PLCL2: variants seen among roughly 807,000 people sequenced by gnomAD.
The protein encoded by PLCL2 is phospholipase C like 2, also known as inactive phospholipase C-like protein 2.
In PLCL2, 4 loss-of-function variants were observed where a neutral mutation model predicts 79.6. That is an observed-to-expected ratio of 0.05 (90% CI 0.02 to 0.11). The LOEUF (loss-of-function observed/expected upper bound fraction) is 0.11, where lower values mean the gene tolerates loss of function less well. Ranked by LOEUF, PLCL2 falls within the 10% of genes least tolerant of loss-of-function variation. The probability of loss-of-function intolerance (pLI) is 1.00; values close to 1 mark genes in which losing one functional copy is unlikely to be tolerated. For missense variants in PLCL2, 895 were observed against 1,291.0 expected, an observed-to-expected ratio of 0.69 and a Z score of 4.70; for synonymous variants, 484 against 457.7, an observed-to-expected ratio of 1.06 and a Z score of -0.73.
At chr3:16,962,469 A>G (rs1261012666) in intron 1 of PLCL2, among the ~76,000 whole-genome samples, 2 of 148,250 alleles carry the variant, frequency 1.3e-5, no homozygotes, top group Non-Finnish European at 3.0e-5. Context: ...TTCTTATGCT[A>G]TTATAGTTCT....
In PLCL2 at chr3:16,975,636, G is replaced by A. The variant is rs768418701; in HGVS notation, c.328-34038G>A. 3.7e-4 allele frequency among the ~76,000 whole-genome samples: 56 copies of A among 152,132 alleles called. 1 individual carries two copies. The highest frequency in any genetic ancestry group is 2.0e-4 in the Admixed American group (3 of 15,276). ...GCCCATACTGGAATTATACCATGGC[G>A]GTTCTTCCAAGTGGTTGGGACGTGG... On this transcript the variant is annotated intron_variant, in intron 1 of 5. Coordinates refer to ENST00000615277, the MANE Select transcript of PLCL2 (RefSeq NM_001144382.2).
At chr3:16,962,535 T>A (rs79073687) in intron 1 of PLCL2, among the ~76,000 whole-genome samples, 1,639 of 152,188 alleles carry the variant, frequency 0.011, 30 homozygotes, top group Admixed American at 0.046. Flanking sequence ...AAATAATTAG[T>A]GAAGAGAATT....
chr3:16,898,564 G>A (rs939317978), intron 1 of PLCL2, among the ~76,000 whole-genome samples: 10 of 152,216 alleles, frequency 6.6e-5, no homozygotes, highest in African/African-American at 2.4e-4. Flanking sequence ...CACATAGCAA[G>A]CGTTCTACTG....
rs186006661 is a variant in PLCL2, at chr3:17,028,882, C to T, written c.3018+13971C>T. Reference sequence around the variant, plus strand: ...CAGAACCTGGCACACAGCAGGTACTCAAAATCCATTTTTGGTGAATGAATG... The same window carrying T: ...CAGAACCTGGCACACAGCAGGTACTTAAAATCCATTTTTGGTGAATGAATG... On this transcript the variant is annotated intron_variant, in intron 3 of 5. Transcript: ENST00000615277. 1.8e-3 allele frequency among the ~76,000 whole-genome samples: 268 copies of T among 152,296 alleles called. 3 individuals are homozygous for T. Among genetic ancestry groups the T allele is most frequent in the African/African-American group, 6.2e-3 (259 of 41,566 alleles).
At chr3:16,925,956 T>C (rs1478982674) in intron 1 of PLCL2, among the ~76,000 whole-genome samples, 1 of 152,190 alleles carries the variant, frequency 6.6e-6, no homozygotes, top group African/African-American at 2.4e-5. Flanking sequence ...GTGAGATTGT[T>C]TTCTAAAGCA....
intron 3 of PLCL2, among the ~76,000 whole-genome samples, chr3:17,027,085 T>G (rs373365638): frequency 0.021 from 3,205 of 152,298 alleles, 56 homozygotes; most frequent in South Asian, 0.044. Context: ...ACATATATCG[T>G]AATATGTGTT....
intron 3 of PLCL2, among the ~76,000 whole-genome samples, chr3:17,030,777 T>C (rs915444609): frequency 6.6e-6 from 1 of 152,214 alleles, no homozygotes; most frequent in African/African-American, 2.4e-5. Flanking sequence ...TCAATTGCTT[T>C]CCTCTTTCAA....
At chr3:17,056,213 A>G (rs1213418476) in intron 4 of PLCL2, among the ~76,000 whole-genome samples, 2 of 152,176 alleles carry the variant, frequency 1.3e-5, no homozygotes, top group East Asian at 3.8e-4. Flanking sequence ...GGTTATGAGA[A>G]TTCCCATTAT....
intron 5 of PLCL2, among the ~76,000 whole-genome samples, chr3:17,086,298 A>G (rs1051513658): frequency 2.1e-4 from 32 of 152,214 alleles, no homozygotes; most frequent in Non-Finnish European, 3.5e-4. Flanking sequence ...CAGTTACTCA[A>G]TCTTTGGCAA....
At chr3:17,088,885 A>G (rs1434571002) in intron 5 of PLCL2, among the ~76,000 whole-genome samples, 2 of 152,172 alleles carry the variant, frequency 1.3e-5, no homozygotes, top group Non-Finnish European at 2.9e-5. Context: ...TCTGACCTAT[A>G]TCATGTTATA....
At chr3:16,958,951 C>T (rs2063730437) in intron 1 of PLCL2, among the ~76,000 whole-genome samples, 1 of 152,136 alleles carries the variant, frequency 6.6e-6, no homozygotes, top group Non-Finnish European at 1.5e-5. Context: ...GTTATCTTTG[C>T]ACTCTGTTTT....
chr3:16,944,594 G>A (rs1262701716), intron 1 of PLCL2, among the ~76,000 whole-genome samples: 2 of 152,212 alleles, frequency 1.3e-5, no homozygotes, highest in Non-Finnish European at 2.9e-5. Flanking sequence ...AACAGACCAT[G>A]TGAAGACACA....
At chr3:16,987,672 A>G (rs2064064561) in intron 1 of PLCL2, among the ~76,000 whole-genome samples, 1 of 152,178 alleles carries the variant, frequency 6.6e-6, no homozygotes, top group East Asian at 1.9e-4. Flanking sequence ...TAAAGAGACA[A>G]ATGCTGCCTT....
chr3:16,946,639 A>G (rs1011676069), intron 1 of PLCL2, among the ~76,000 whole-genome samples: 2 of 152,134 alleles, frequency 1.3e-5, no homozygotes, highest in African/African-American at 2.4e-5. Flanking sequence ...TTGGAATGCA[A>G]CTTAATGGTT....
intron 3 of PLCL2, 133 bp from the exon 4 acceptor site, chr3:17,042,741 G>A: frequency 1.5e-6 from 1 of 648,894 alleles, no homozygotes; most frequent in Non-Finnish European, 2.8e-6. Context: ...TTGAAGTTGA[G>A]TAGTGGAAAG....
chr3:17,050,534 A>G (rs1302125605), intron 4 of PLCL2, among the ~76,000 whole-genome samples: 1 of 152,238 alleles, frequency 6.6e-6, no homozygotes, highest in Non-Finnish European at 1.5e-5. Context: ...AAAAACAGGC[A>G]TATGAAAAGG....
chr3:17,077,143 A>T lies in PLCL2; in HGVS notation c.3204+9078A>T, dbSNP rs536836105. Among the ~76,000 whole-genome samples, 3 of 152,280 alleles carry T rather than the reference A, an allele frequency of 2.0e-5. No homozygotes were observed. The East Asian group carries it at 5.8e-4, about 29-fold the overall frequency. On this transcript the variant is annotated intron_variant, in intron 5 of 5. Transcript: ENST00000615277. Reference sequence around the variant, plus strand: ...TCCCCTTTCCTGCACTGCATCTGGAAACTGCAAGCAGTAAGCTGGACACGG... The same window carrying T: ...TCCCCTTTCCTGCACTGCATCTGGATACTGCAAGCAGTAAGCTGGACACGG...
intron 1 of PLCL2, among the ~76,000 whole-genome samples, chr3:16,944,820 C>T (rs541658670): frequency 1.3e-4 from 19 of 151,094 alleles, no homozygotes; most frequent in Admixed American, 1.1e-3. Flanking sequence ...AGTGCAGTGG[C>T]GTGATCTTGG....
chr3:16,974,212 A>G (rs1248516754), intron 1 of PLCL2, among the ~76,000 whole-genome samples: 1 of 152,138 alleles, frequency 6.6e-6, no homozygotes, highest in African/African-American at 2.4e-5. Flanking sequence ...TATCTCTATC[A>G]TGAGAGGGGA....
Sources: gnomAD v4.1 joint callset for allele counts (sites outside exome capture counted in the v4.1 genomes callset) on GRCh38, gnomAD v4.1.1 for gene constraint, MANE v1.5 for transcripts, NCBI Gene and HGNC (gene_info 2026-07-23, HGNC 2026-07-21) for gene names.